The following MYO16 variants were observed in gnomAD, a reference collection of about 807,000 sequenced individuals.
The protein encoded by MYO16 is unconventional myosin-XVI.
A neutral mutation model predicts 205.3 loss-of-function variants in MYO16; 94 were observed. The ratio of observed to expected loss-of-function variants is 0.46; its 90% CI spans 0.39 to 0.54. The LOEUF (loss-of-function observed/expected upper bound fraction) is 0.54, where lower values mean the gene tolerates loss of function less well. MYO16 is among the 20% of genes least tolerant of loss of function. The probability of loss-of-function intolerance (pLI) is 0.00; values close to 1 mark genes in which losing one functional copy is unlikely to be tolerated. For missense variants in MYO16, 2,315 were observed against 2,387.5 expected (o/e 0.97, Z 0.63); for synonymous variants, 988 against 954.0 (o/e 1.04, Z -0.66).
intron 23 of MYO16, among the ~76,000 whole-genome samples, chr13:109,036,254 T>C (rs1886715162): frequency 6.6e-6 from 1 of 152,184 alleles, no homozygotes; most frequent in Non-Finnish European, 1.5e-5. Flanking sequence ...CTCTTGCCTT[T>C]GGATTTCAGT....
rs1881128249 is a variant in MYO16 at position 108,653,967 on chromosome 13, G to A, written c.29-11919G>A. 2.6e-5 allele frequency among the ~76,000 whole-genome samples: 4 copies of A among 152,220 alleles called. No individual in the cohort carries two copies. The South Asian group carries it at 8.3e-4, about 32-fold the overall frequency. On this transcript the variant is annotated intron_variant, in intron 1 of 34. Transcript: ENST00000457511. ...GAGCAGAAAAACTATGTAGTCTTTG[G>A]CAGAGTCTATTATCATTCCAATCCA...
At chr13:108,545,568 A>G in the MYO16 span, among the ~76,000 whole-genome samples, 2 of 152,220 alleles carry the variant, frequency 1.3e-5, no homozygotes, top group Non-Finnish European at 2.9e-5. Context: ...AAGTTCACAC[A>G]TTGCCAAACT....
At chr13:108,542,426 T>C in the MYO16 span, among the ~76,000 whole-genome samples, 1 of 152,124 alleles carries the variant, frequency 6.6e-6, no homozygotes, top group African/African-American at 2.4e-5. Context: ...CCGTCACAAG[T>C]TTACCTTTGT....
At chr13:108,692,648 G>A (rs533099164) in intron 2 of MYO16, among the ~76,000 whole-genome samples, 2 of 152,258 alleles carry the variant, frequency 1.3e-5, no homozygotes, top group East Asian at 1.9e-4. Flanking sequence ...GTCACACGGC[G>A]CATATCTTTC....
intron 23 of MYO16, among the ~76,000 whole-genome samples, chr13:109,028,046 G>C (rs1886421397): frequency 6.6e-6 from 1 of 151,916 alleles, no homozygotes; most frequent in African/African-American, 2.4e-5. Flanking sequence ...GTAATATTTT[G>C]AAAGTCATGT....
intron 2 of MYO16, among the ~76,000 whole-genome samples, chr13:108,680,192 C>T (rs1173887852): frequency 2.0e-5 from 3 of 152,304 alleles, no homozygotes; most frequent in Admixed American, 2.0e-4. Context: ...GAACTCACAG[C>T]GGGCTCCATG....
intron 20 of MYO16, among the ~76,000 whole-genome samples, chr13:108,984,040 C>T (rs775588390): frequency 3.3e-5 from 5 of 152,164 alleles, no homozygotes; most frequent in Non-Finnish European, 7.3e-5. Context: ...GCTCAATAAG[C>T]CACCCTTAAG....
intron 5 of MYO16, among the ~76,000 whole-genome samples, chr13:108,787,919 G>A (rs369835413): frequency 4.6e-5 from 7 of 152,154 alleles, no homozygotes; most frequent in Admixed American, 1.3e-4. Flanking sequence ...ATCATCTGCC[G>A]CCATTCCCAG....
chr13:108,899,603 A>G lies in MYO16; in HGVS notation c.1777+1470A>G, dbSNP rs183548797. 5.3e-3 allele frequency among the ~76,000 whole-genome samples: 805 copies of G among 152,218 alleles called. 8 individuals carry two copies. The highest frequency in any genetic ancestry group is 8.0e-3 in the Non-Finnish European group (542 of 68,006). On this transcript the variant is annotated intron_variant, in intron 15 of 34. Transcript: ENST00000457511. ...TCATCGGAGAACTGTCGTGAGCCTC[A>G]AGCTCTGGTTTTCAAGTCTCAGTTT...
intron 20 of MYO16, among the ~76,000 whole-genome samples, chr13:108,972,062 GCCAGGTGTGATGGTACATACCTGTGGTC>G (rs1884035528): frequency 6.7e-6 from 1 of 149,146 alleles, no homozygotes; most frequent in African/African-American, 2.5e-5. Context: ...AAAAAAGTTA[GCCAGGTGTGATGGTACATACCTGTGGTC>G]CCAGCTACTT....
intron 16 of MYO16, among the ~76,000 whole-genome samples, chr13:108,920,654 T>C (rs1274915413): frequency 6.6e-6 from 1 of 152,156 alleles, no homozygotes; most frequent in African/African-American, 2.4e-5. Context: ...AGACGGGGTT[T>C]CACCATGTTG....
intron 16 of MYO16, among the ~76,000 whole-genome samples, chr13:108,943,024 CAAATT>C (rs1457930909): frequency 6.6e-6 from 1 of 152,138 alleles, no homozygotes; most frequent in Non-Finnish European, 1.5e-5. Flanking sequence ...TGATTAGTAT[CAAATT>C]AAACATTTAA....
At chr13:108,765,914 T>C (rs778478183) in intron 4 of MYO16, among the ~76,000 whole-genome samples, 36 of 152,216 alleles carry the variant, frequency 2.4e-4, no homozygotes, top group Non-Finnish European at 4.7e-4. Flanking sequence ...GTGTTCAATA[T>C]ATAATTCAAC....
At chr13:108,742,875 G>A (rs2139617398) in intron 4 of MYO16, among the ~76,000 whole-genome samples, 1 of 152,232 alleles carries the variant, frequency 6.6e-6, no homozygotes, top group Middle Eastern at 3.4e-3. Flanking sequence ...TTGCTATTTT[G>A]GATCATGTGG....
intron 21 of MYO16, among the ~76,000 whole-genome samples, chr13:109,005,309 A>G: frequency 1.3e-5 from 2 of 152,218 alleles, no homozygotes; most frequent in East Asian, 3.9e-4. Flanking sequence ...AAATTAATTT[A>G]TCACTGAATT....
intron 2 of MYO16, among the ~76,000 whole-genome samples, chr13:108,673,957 T>C (rs1882098215): frequency 2.0e-5 from 3 of 152,282 alleles, no homozygotes; most frequent in South Asian, 2.1e-4. Flanking sequence ...TTTTGTAAAG[T>C]ATTGATGGCT....
chr13:109,031,381 A>C (rs952031394), intron 23 of MYO16, among the ~76,000 whole-genome samples: 2 of 152,182 alleles, frequency 1.3e-5, no homozygotes, highest in African/African-American at 4.8e-5. Context: ...ATTTTTACTT[A>C]AAGGAATATT....
chr13:108,896,498 G>A (rs1485008843), intron 14 of MYO16, among the ~76,000 whole-genome samples: 5 of 152,014 alleles, frequency 3.3e-5, no homozygotes, highest in Non-Finnish European at 7.4e-5. Flanking sequence ...ATATATGTTT[G>A]TCTCCAAAAT....
intron 12 of MYO16, among the ~76,000 whole-genome samples, chr13:108,880,316 T>C (rs969863857): frequency 2.6e-5 from 4 of 152,372 alleles, no homozygotes; most frequent in Admixed American, 2.0e-4. Flanking sequence ...GTAGGTTGCC[T>C]GTTCACTCTG....
Sources: gnomAD v4.1 joint callset for allele counts (sites outside exome capture counted in the v4.1 genomes callset) on GRCh38, gnomAD v4.1.1 for gene constraint, MANE v1.5 for transcripts, NCBI Gene and HGNC (gene_info 2026-07-23, HGNC 2026-07-21) for gene names.